The following FNTB variants were observed in gnomAD, a reference collection of about 807,000 sequenced individuals.
FNTB encodes the protein protein farnesyltransferase subunit beta.
In FNTB, 27 loss-of-function variants were observed where a neutral mutation model predicts 59.4. The ratio of observed to expected loss-of-function variants is 0.45; its 90% CI spans 0.34 to 0.63. FNTB has a LOEUF of 0.63. FNTB is among the 20% of genes least tolerant of loss of function. FNTB has a pLI of 0.02. For missense variants in FNTB, 449 were observed against 559.6 expected (o/e 0.80, Z 1.99); for synonymous variants, 230 against 220.7 (o/e 1.04, Z -0.37).
rs1011534207 is a variant in FNTB, at chr14:64,996,521, G to A, written c.145-7728G>A. Among the ~76,000 whole-genome samples the A allele has an allele frequency of 6.3e-4, 96 of 152,146 alleles. 1 individual carries two copies. The highest frequency in any genetic ancestry group is 2.3e-3 in the African/African-American group (95 of 41,424). On this transcript the variant is annotated intron_variant, in intron 1 of 11. Transcript: ENST00000246166. The stretch of plus-strand genomic sequence containing the variant: ...GGAGAGCTGGCCTTGGAACCTAACA[G>A]TTAGGTATAACATTGTGTTGATGGG...
At chr14:64,988,592 G>A (rs1289897278) in intron 1 of FNTB, among the ~76,000 whole-genome samples, 1 of 151,722 alleles carries the variant, frequency 6.6e-6, no homozygotes, top group Non-Finnish European at 1.5e-5. Flanking sequence ...CCACCACCAC[G>A]CCTGGCTAAT....
chr14:65,004,046 T>C (rs927543813), intron 1 of FNTB, among the ~76,000 whole-genome samples: 1 of 152,182 alleles, frequency 6.6e-6, no homozygotes. Context: ...AAAAGTCCAT[T>C]GTGATGCCAG....
intron 7 of FNTB, among the ~76,000 whole-genome samples, chr14:65,038,285 C>T (rs2062261368): frequency 6.6e-6 from 1 of 151,680 alleles, no homozygotes; most frequent in Non-Finnish European, 1.5e-5. Flanking sequence ...TGGTGGGTAC[C>T]TGTAATCCCA....
chr14:65,013,242 A>G (rs2061711569), intron 3 of FNTB, among the ~76,000 whole-genome samples: 1 of 152,134 alleles, frequency 6.6e-6, no homozygotes, highest in Non-Finnish European at 1.5e-5. Context: ...GGCTAACTGG[A>G]GACCCTGTGC....
intron 4 of FNTB, chr14:65,022,117 T>C: frequency 2.2e-6 from 1 of 455,074 alleles, no homozygotes; most frequent in South Asian, 1.5e-5. Flanking sequence ...ATATTCTACC[T>C]AGGGAAGGAG....
rs552860845 is a variant in FNTB at position 65,054,785 on chromosome 14, T to A, written c.1182+96T>A. 1.3e-4 allele frequency: 169 copies of A among 1,346,220 alleles called. No individual in the cohort carries two copies. The highest frequency in any genetic ancestry group is 1.7e-4 in the Non-Finnish European group (162 of 975,966). The allele number at this position is 1,346,220 out of a possible 1,614,324, so 83.4% of individuals were successfully genotyped here. On this transcript the variant is annotated intron_variant, in intron 11 of 11. Coordinates refer to ENST00000246166, the MANE Select transcript of FNTB (RefSeq NM_002028.4). The surrounding 1 kb of genome is among the most constrained non-coding windows in gnomAD (Gnocchi z 4.4). ...CAGAACTGGCTCTGCATTTCCTGTG[T>A]GGACAGGCGGAAGCTTGTGGTCCCT...
chr14:65,021,928 G>GA, intron 4 of FNTB: 1 of 456,068 alleles, frequency 2.2e-6, no homozygotes, highest in Non-Finnish European at 4.4e-6. Flanking sequence ...TTATAGGCGT[G>GA]AGCCACTGCG....
At chr14:65,036,373 A>G (rs1486044403) in intron 7 of FNTB, among the ~76,000 whole-genome samples, 1 of 151,402 alleles carries the variant, frequency 6.6e-6, no homozygotes, top group Non-Finnish European at 1.5e-5. Context: ...AGTAGCCAGG[A>G]CTGCAGGTGT....
At position 65,033,815 on chromosome 14, in the gene FNTB, C is replaced by T. The variant is rs192707108; in HGVS notation, c.692+1119C>T. Among the ~76,000 whole-genome samples the T allele has an allele frequency of 3.1e-4, 47 of 152,274 alleles. 1 individual carries two copies. Among genetic ancestry groups the T allele is most frequent in the Middle Eastern group, 3.4e-3 (1 of 294 alleles). On this transcript the variant is annotated intron_variant, in intron 7 of 11. Coordinates refer to ENST00000246166, the MANE Select transcript of FNTB (RefSeq NM_002028.4). ...GAGCTTGCAGTGAGCCGAGATCACG[C>T]CACTGCACTCCAGCCTGGGCGACAG...
chr14:65,052,258 A>G (rs2062633350), intron 9 of FNTB, among the ~76,000 whole-genome samples: 2 of 152,224 alleles, frequency 1.3e-5, no homozygotes, highest in Non-Finnish European at 2.9e-5. Context: ...CTATAGTGGT[A>G]TAAGTGAAAA....
Position 64,996,156 on chromosome 14 carries a change from A to G in FNTB, c.145-8093A>G, listed in dbSNP as rs1039496133. ...AAAAAAAAAAGAAAAAAGAAAAGAA[A>G]CAACCAAGCCTGGGCTGGGCACCGT... On this transcript the variant is annotated intron_variant, in intron 1 of 11. Coordinates refer to ENST00000246166, the MANE Select transcript of FNTB (RefSeq NM_002028.4). Among the ~76,000 whole-genome samples, 94 of 151,666 alleles carry G rather than the reference A, an allele frequency of 6.2e-4. 1 individual carries two copies. Among genetic ancestry groups the G allele is most frequent in the African/African-American group, 2.3e-3 (93 of 41,312 alleles).
chr14:65,027,307 G>A lies in FNTB; in HGVS notation c.375-146G>A, dbSNP rs1384962163. ...AGAGAATTAAGCCCTTTGGGGAGAG[G>A]TTATATTCAACAAGTGGGAGGAGAG... On this transcript the variant is annotated intron_variant, in intron 4 of 11. Transcript: ENST00000246166. This position sits in a 1 kb window ranked among gnomAD's most constrained non-coding sequence, Gnocchi z 5.7. The A allele has an allele frequency of 5.5e-6, 7 of 1,280,780 alleles. No individual in the cohort carries two copies. In the Admixed American group the frequency reaches 1.5e-4, roughly 28 times the overall value. 79.3% of individuals were successfully genotyped at this position (1,280,780 alleles called of 1,614,324 possible). A position where few individuals can be genotyped will look rare whatever the true frequency, so the allele number is the denominator to read the frequency against.
In FNTB at chr14:65,027,449, C is replaced by G; in HGVS notation, c.375-4C>G. Reference sequence around the variant, plus strand: ...TTGTTTTTGCCCTTTGGCTGTGTACCTAGTGTGTGTCAGTTCCTGGAGCTG... The same window carrying G: ...TTGTTTTTGCCCTTTGGCTGTGTACGTAGTGTGTGTCAGTTCCTGGAGCTG... On this transcript the variant is annotated splice_region_variant and splice_polypyrimidine_tract_variant and intron_variant, in intron 4 of 11. Transcript: ENST00000246166. The surrounding 1 kb of genome is among the most constrained non-coding windows in gnomAD (Gnocchi z 5.7). 1 of 1,614,064 alleles carries G rather than the reference C, an allele frequency of 6.2e-7. No homozygotes were observed. The highest frequency in any genetic ancestry group is 1.1e-5 in the South Asian group (1 of 91,060).
At chr14:65,003,747 T>A (rs1566863650) in intron 1 of FNTB, 1 of 152,254 alleles carries the variant, frequency 6.6e-6, no homozygotes, top group Non-Finnish European at 1.5e-5. Flanking sequence ...TTCCTCTGAT[T>A]TAGTCATCCT....
intron 11 of FNTB, among the ~76,000 whole-genome samples, chr14:65,056,367 T>C (rs2062737253): frequency 6.6e-6 from 1 of 152,216 alleles, no homozygotes; most frequent in African/African-American, 2.4e-5. Context: ...GTGGTATCTG[T>C]CTCATTGGGT....
Position 65,005,462 on chromosome 14 carries a change from TTTC to T in FNTB, c.209+1152_209+1154del, listed in dbSNP as rs2061567157. Among the ~76,000 whole-genome samples, 6 of 113,752 alleles carry T rather than the reference TTTC, an allele frequency of 5.3e-5. No individual in the cohort carries two copies. In the South Asian group the frequency reaches 1.7e-3, roughly 32 times the overall value. 74.6% of individuals were successfully genotyped at this position (113,752 alleles called of 152,430 possible). ...TCTCTTCCTTTCTTTTCTTTCTTTCTTTCTTTCTTTCTTTCTTTCTTTCTTTCT... is the reference window on the plus strand; with the variant it reads ...TCTCTTCCTTTCTTTTCTTTCTTTCTTTTCTTTCTTTCTTTCTTTCTTTCT... On this transcript the variant is annotated intron_variant, in intron 2 of 11. Transcript: ENST00000246166.
chr14:65,056,346 C>CA (rs2062736527), intron 11 of FNTB, among the ~76,000 whole-genome samples: 1 of 152,284 alleles, frequency 6.6e-6, no homozygotes, highest in African/African-American at 2.4e-5. Context: ...TACAGTGTTG[C>CA]AGTGAACGTT....
chr14:65,041,249 GT>G (rs2062345988), intron 8 of FNTB, among the ~76,000 whole-genome samples: 1 of 152,340 alleles, frequency 6.6e-6, no homozygotes, highest in East Asian at 1.9e-4. Flanking sequence ...AAGAGGAAAA[GT>G]TACAAGAAGA....
In FNTB at chr14:65,060,718, C is replaced by T. The variant is rs376725286; in HGVS notation, c.1183-463C>T. Among the ~76,000 whole-genome samples, 474 of 85,978 alleles carry T rather than the reference C, an allele frequency of 5.5e-3. 42 individuals carry two copies. The highest frequency in any genetic ancestry group is 0.018 in the African/African-American group (437 of 24,264). The allele number at this position is 85,978 out of a possible 152,430, so 56.4% of individuals were successfully genotyped here. A position where few individuals can be genotyped will look rare whatever the true frequency, so the allele number is the denominator to read the frequency against. ...GTCTCAAAAAAAAAAAAAAAAAATA[C>T]AAAAATTACCCAGGCGTGGTGGCTC... On this transcript the variant is annotated intron_variant, in intron 11 of 11. Transcript: ENST00000246166.
Sources: gnomAD v4.1 joint callset for allele counts (sites outside exome capture counted in the v4.1 genomes callset) on GRCh38, gnomAD v4.1.1 for gene constraint, Gnocchi (gnomAD v3.1) non-coding constraint, MANE v1.5 for transcripts, NCBI Gene and HGNC (gene_info 2026-07-23, HGNC 2026-07-21) for gene names.